TBC1D19: variants seen among roughly 807,000 people sequenced by gnomAD.
TBC1D19 encodes the protein TBC1 domain family member 19, also known as TBC1 domain family, member 19.
In TBC1D19, 60 loss-of-function variants were observed where a neutral mutation model predicts 89.0. The ratio of observed to expected loss-of-function variants is 0.67; its 90% confidence interval spans 0.55 to 0.84. The LOEUF (loss-of-function observed/expected upper bound fraction) is 0.84. Ranked by LOEUF, TBC1D19 falls within the 40% of genes least tolerant of loss-of-function variation. The probability of loss-of-function intolerance (pLI) is 0.00; values close to 1 mark genes in which losing one functional copy is unlikely to be tolerated. For missense variants in TBC1D19, 500 were observed against 610.8 expected (o/e 0.82, Z 1.91); for synonymous variants, 189 against 199.7 (o/e 0.95, Z 0.45).
chr4:26,622,150 C>T (rs1425428999), intron 4 of TBC1D19, among the ~76,000 whole-genome samples: 3 of 151,818 alleles, frequency 2.0e-5, no homozygotes, highest in African/African-American at 4.8e-5. Context: ...TGCTAAATGA[C>T]GAGTTAATGG....
chr4:26,690,747 T>C (rs994711303), intron 13 of TBC1D19, among the ~76,000 whole-genome samples: 2 of 152,224 alleles, frequency 1.3e-5, no homozygotes, highest in African/African-American at 4.8e-5. Flanking sequence ...TCATTCACAA[T>C]GCACATATTC....
the TBC1D19 span, among the ~76,000 whole-genome samples, chr4:26,817,036 G>C: frequency 1.3e-5 from 2 of 152,332 alleles, no homozygotes; most frequent in South Asian, 4.1e-4. Flanking sequence ...AGTAGGAGCA[G>C]AGCGATGTAC....
At chr4:26,584,445 A>AAAAACC (rs1414397423) in intron 1 of TBC1D19, among the ~76,000 whole-genome samples, 153 bp downstream of exon 1, 2 of 151,704 alleles carry the variant, frequency 1.3e-5, no homozygotes, top group African/African-American at 4.9e-5. Context: ...AAACAAAAAC[A>AAAAACC]AAAACAAAAA....
chr4:26,806,110 TA>T, the TBC1D19 span, among the ~76,000 whole-genome samples: 1 of 152,134 alleles, frequency 6.6e-6, no homozygotes, highest in African/African-American at 2.4e-5. Flanking sequence ...CTATGCCTGC[TA>T]AACTTGAGCC....
At chr4:26,603,066 G>GA (rs753605719) in intron 1 of TBC1D19, among the ~76,000 whole-genome samples, 8 of 152,198 alleles carry the variant, frequency 5.3e-5, no homozygotes, top group Non-Finnish European at 1.0e-4. Flanking sequence ...GGGTCATTGG[G>GA]ATGTATTTTC....
intron 6 of TBC1D19, 55 bp downstream of exon 6, chr4:26,638,889 C>A: frequency 1.6e-6 from 2 of 1,286,476 alleles, no homozygotes; most frequent in Non-Finnish European, 1.1e-6. Flanking sequence ...GCCTTCTTAA[C>A]TGTGGATCCA....
At chr4:26,744,570 T>C (rs539192238) in intron 18 of TBC1D19, among the ~76,000 whole-genome samples, 1 of 152,130 alleles carries the variant, frequency 6.6e-6, no homozygotes, top group East Asian at 1.9e-4. Context: ...TTTTGATATG[T>C]TATATTTTCA....
At chr4:26,652,174 CT>C (rs1488378055) in intron 7 of TBC1D19, among the ~76,000 whole-genome samples, 1 of 152,016 alleles carries the variant, frequency 6.6e-6, no homozygotes, top group Admixed American at 6.6e-5. Flanking sequence ...CCAAAATTCT[CT>C]TTTTTTGTTG....
downstream of TBC1D19, among the ~76,000 whole-genome samples, chr4:26,760,057 G>C (rs1266674708): frequency 6.6e-6 from 1 of 152,156 alleles, no homozygotes; most frequent in African/African-American, 2.4e-5. Context: ...TGGTTCTACT[G>C]TTTTACGTTG....
chr4:26,827,713 TTTTG>T, the TBC1D19 span, among the ~76,000 whole-genome samples: 15 of 109,832 alleles, frequency 1.4e-4, no homozygotes, highest in Admixed American at 1.0e-3. Context: ...TTGTTTTTTG[TTTTG>T]TTTTTTTTTT....
At chr4:26,732,265 A>G (rs1717713010) in intron 15 of TBC1D19, among the ~76,000 whole-genome samples, 1 of 152,144 alleles carries the variant, frequency 6.6e-6, no homozygotes, top group South Asian at 2.1e-4. Flanking sequence ...TATGACAATC[A>G]TCACATGAAG....
intron 1 of TBC1D19, among the ~76,000 whole-genome samples, chr4:26,594,912 A>G (rs773442318): frequency 3.9e-5 from 6 of 152,216 alleles, no homozygotes; most frequent in Admixed American, 1.3e-4. Flanking sequence ...CTTCATGTGT[A>G]GGTTTTTCTG....
intron 2 of TBC1D19, 70 bp downstream of exon 2, chr4:26,613,311 C>A: frequency 9.9e-7 from 1 of 1,015,088 alleles, no homozygotes; most frequent in Non-Finnish European, 1.4e-6. Flanking sequence ...ATTCTTTAAG[C>A]CCTCAAGCTT....
chr4:26,685,351 T>G (rs1418021317), intron 12 of TBC1D19, among the ~76,000 whole-genome samples: 1 of 152,188 alleles, frequency 6.6e-6, no homozygotes, highest in Non-Finnish European at 1.5e-5. Context: ...CAGCAGCAGC[T>G]GAGCTGAAGA....
chr4:26,814,657 G>A, the TBC1D19 span, among the ~76,000 whole-genome samples: 1 of 152,174 alleles, frequency 6.6e-6, no homozygotes, highest in South Asian at 2.1e-4. Context: ...GGAATCATCT[G>A]GGGCTTCATC....
intron 1 of TBC1D19, among the ~76,000 whole-genome samples, 199 bp downstream of exon 1, chr4:26,584,491 G>A (rs1479552328): frequency 6.6e-6 from 1 of 152,142 alleles, no homozygotes; most frequent in Non-Finnish European, 1.5e-5. Context: ...TCCCTGTCCG[G>A]TGCAAGCTGT....
chr4:26,590,796 GTTTT>G (rs869124166), intron 1 of TBC1D19, among the ~76,000 whole-genome samples: 2 of 52,958 alleles, frequency 3.8e-5, no homozygotes, highest in Non-Finnish European at 6.3e-5. Flanking sequence ...TTGCAGGTCT[GTTTT>G]TTTTTTTTTT....
chr4:26,678,273 C>T (rs1713013928), intron 11 of TBC1D19, among the ~76,000 whole-genome samples: 1 of 152,190 alleles, frequency 6.6e-6, no homozygotes, highest in South Asian at 2.1e-4. Flanking sequence ...AGCATTTTGT[C>T]CCTGCCCTAG....
rs1560416796 is a variant in TBC1D19 at position 26,611,967 on chromosome 4, C to CTA, written c.100-1202_100-1201insTA. 1.4e-4 allele frequency among the ~76,000 whole-genome samples: 22 copies of CTA among 152,096 alleles called. No homozygotes were observed. In the East Asian group the frequency reaches 4.2e-3, roughly 29 times the overall value. On this transcript the variant is annotated intron_variant, in intron 1 of 20. Transcript: ENST00000264866. ...TGGCTATATTTGAATTAGGCAAAAC[C>CTA]GTTCCCTGTTTTAACTTCTGCTCTA...
Sources: gnomAD v4.1 joint callset for allele counts (sites outside exome capture counted in the v4.1 genomes callset) on GRCh38, gnomAD v4.1.1 for gene constraint, MANE v1.5 for transcripts, NCBI Gene and HGNC (gene_info 2026-07-23, HGNC 2026-07-21) for gene names.